The following RPF1 variants were observed in gnomAD, a reference collection of about 807,000 sequenced individuals.
RPF1 encodes the protein ribosome production factor 1.
RPF1 carries 34 observed loss-of-function variants against 41.9 expected under a neutral mutation model. The observed-to-expected ratio is 0.81, with a 90% CI of 0.62 to 1.08. The LOEUF (loss-of-function observed/expected upper bound fraction) is 1.08. Ranked by LOEUF, RPF1 falls within the 50% of genes least tolerant of loss-of-function variation. The pLI, the probability that RPF1 is intolerant of heterozygous loss-of-function variation, is 0.00. For missense variants in RPF1, 425 were observed against 435.2 expected (o/e 0.98, Z 0.21); for synonymous variants, 140 against 148.9 (o/e 0.94, Z 0.43).
chr1:84,495,332 A>C (rs747344676), intron 5 of RPF1, 41 bp from the exon 6 acceptor site: 1 of 899,422 alleles, frequency 1.1e-6, no homozygotes, highest in South Asian at 1.5e-5. Flanking sequence ...TTAGATTTAG[A>C]TTACAGAGTT....
At chr1:84,487,570 T>A (rs1681757824) in intron 3 of RPF1, among the ~76,000 whole-genome samples, 1 of 152,142 alleles carries the variant, frequency 6.6e-6, no homozygotes, top group Admixed American at 6.5e-5. Context: ...ATGGTGTCTT[T>A]TGAGGACCAG....
chr1:84,479,714 G>A (rs927901532), intron 1 of RPF1, among the ~76,000 whole-genome samples: 1 of 152,222 alleles, frequency 6.6e-6, no homozygotes, highest in Non-Finnish European at 1.5e-5. Context: ...GAGCGTCAAG[G>A]TGGAAGATTA....
intron 3 of RPF1, among the ~76,000 whole-genome samples, chr1:84,489,308 T>C (rs12729805): frequency 2.0e-5 from 3 of 152,150 alleles, no homozygotes; most frequent in Non-Finnish European, 4.4e-5. Flanking sequence ...TTTTGTTTGT[T>C]TGTTTTGTTT....
intron 7 of RPF1, 90 bp from the exon 8 acceptor site, chr1:84,496,154 A>G (rs1275045938): frequency 1.4e-6 from 2 of 1,465,568 alleles, no homozygotes; most frequent in Non-Finnish European, 1.9e-6. Context: ...AGCAAGTATC[A>G]TACAAGATAA....
At chr1:84,482,805 G>T in intron 2 of RPF1, 110 bp from the exon 3 acceptor site, 2 of 629,678 alleles carry the variant, frequency 3.2e-6, no homozygotes, top group South Asian at 2.1e-5. Flanking sequence ...GGATTGATAT[G>T]AGGAACAGAT....
At position 84,482,954 on chromosome 1, in the gene RPF1, C is replaced by T. The variant is rs1481722251; in HGVS notation, c.325C>T (p.Arg109Ter). 31 of 1,611,494 alleles carry T rather than the reference C, an allele frequency of 1.9e-5. No homozygotes were observed. Among genetic ancestry groups the T allele is most frequent in the African/African-American group, 2.7e-5 (2 of 74,804 alleles). Residue 109 changes from arginine to a stop codon, truncating the protein, a stop_gained, in exon 3 of 9, where the codon CGA becomes TGA. Transcript: ENST00000370654. LOFTEE classifies it high-confidence loss of function. The stretch of plus-strand genomic sequence containing the variant: ...TGTACCCAAGACCATTGACAACCAG[C>T]GAGTGTATGATGAAACCACAGTAGA... ...KPVPKTIDNQ[R>*]VYDETTVDPN...
At chr1:84,491,990 A>G (rs1164148073) in intron 5 of RPF1, among the ~76,000 whole-genome samples, 1 of 152,156 alleles carries the variant, frequency 6.6e-6, no homozygotes, top group African/African-American at 2.4e-5. Context: ...GCAAAATCCC[A>G]TCTCTACTAA....
intron 3 of RPF1, among the ~76,000 whole-genome samples, chr1:84,486,587 C>CAAAAAAAAAAA (rs896267195): frequency 1.5e-5 from 1 of 64,534 alleles, no homozygotes; most frequent in African/African-American, 5.6e-5. Flanking sequence ...GACTCCGTCT[C>CAAAAAAAAAAA]AAAAAAAAAA....
At chr1:84,479,553 T>A in intron 1 of RPF1, 44 bp downstream of exon 1, 1 of 1,586,858 alleles carries the variant, frequency 6.3e-7, no homozygotes, top group Non-Finnish European at 8.6e-7. Context: ...GCGTTGTTCC[T>A]GACGCTTAGG....
At position 84,480,884 on chromosome 1, in the gene RPF1, G is replaced by A. The variant is rs532187612; in HGVS notation, c.229-72G>A. On this transcript the variant is annotated intron_variant, in intron 1 of 8. Coordinates refer to ENST00000370654, the MANE Select transcript of RPF1 (RefSeq NM_025065.7). ...CGAGTATTCATAGCATTAGTAATTT[G>A]TAGTTTCAGTATGTGTTTGTGATAT... 9 of 794,988 alleles carry A rather than the reference G, an allele frequency of 1.1e-5. No homozygotes were observed. The African/African-American group carries it at 1.2e-4, about 11-fold the overall frequency. 49.2% of individuals were successfully genotyped at this position (794,988 alleles called of 1,614,324 possible).
intron 8 of RPF1, 89 bp downstream of exon 8, chr1:84,496,459 G>A: frequency 8.6e-7 from 1 of 1,161,634 alleles, no homozygotes; most frequent in Non-Finnish European, 1.2e-6. Context: ...AATAGCTAAT[G>A]GATGCTGGGC....
intron 5 of RPF1, 105 bp downstream of exon 5, chr1:84,490,577 A>T (rs576164069): frequency 7.3e-6 from 6 of 826,630 alleles, no homozygotes; most frequent in African/African-American, 5.4e-5. Context: ...TCAGAAAATA[A>T]TTTTTTTATC....
intron 3 of RPF1, among the ~76,000 whole-genome samples, chr1:84,488,522 A>C (rs1054852975): frequency 6.6e-6 from 1 of 152,118 alleles, no homozygotes; most frequent in Non-Finnish European, 1.5e-5. Context: ...TCTGCAAATG[A>C]CAGTTTTCTT....
In RPF1 at chr1:84,496,284, C is replaced by T; in HGVS notation, c.922C>T (p.Leu308Phe). Reference protein sequence around the residue: ...RSEKKVGIQELGPRFTLKLRS... With the variant: ...RSEKKVGIQEFGPRFTLKLRS... ...TGAAAAGAAAGTGGGAATTCAGGAA[C>T]TTGGACCACGTTTTACCTTAAAATT... Residue 308 changes from leucine (L) to phenylalanine (F), a missense_variant, in exon 8 of 9, where the codon CTT becomes TTT. Coordinates refer to ENST00000370654, the MANE Select transcript of RPF1 (RefSeq NM_025065.7). The T allele has an allele frequency of 6.2e-7, 1 of 1,613,432 alleles. No individual in the cohort carries two copies. The highest frequency in any genetic ancestry group is 8.5e-7 in the Non-Finnish European group (1 of 1,179,554).
intron 5 of RPF1, among the ~76,000 whole-genome samples, chr1:84,491,553 A>G (rs539565331): frequency 6.6e-6 from 1 of 152,322 alleles, no homozygotes; most frequent in South Asian, 2.1e-4. Flanking sequence ...CCATATTATA[A>G]TTTGGCTTAA....
At position 84,479,418 on chromosome 1, in the gene RPF1, C is replaced by T. The variant is rs763148261; in HGVS notation, c.137C>T (p.Ala46Val). The change falls in exon 1 of 9, where the codon GCT becomes GTT. Residue 46 changes from alanine (A) to valine (V), a missense_variant. By Grantham distance (64) the Ala-to-Val change is moderately conservative. Transcript: ENST00000370654. ...TENGVQPPKA[A>V]AFPPGFSISE... is the part of the protein sequence containing the mutation. Reference sequence around the variant, plus strand: ...AACGGGGTCCAACCCCCGAAAGCGGCTGCCTTTCCGCCAGGCTTTAGCATT... The same window carrying T: ...AACGGGGTCCAACCCCCGAAAGCGGTTGCCTTTCCGCCAGGCTTTAGCATT... 62 of 1,614,144 alleles carry T rather than the reference C, an allele frequency of 3.8e-5. No individual in the cohort carries two copies. The highest frequency in any genetic ancestry group is 5.3e-5 in the Non-Finnish European group (62 of 1,180,054).
chr1:84,490,329 G>T lies in RPF1; in HGVS notation c.473G>T (p.Arg158Leu). The T allele has an allele frequency of 6.3e-7, 1 of 1,586,434 alleles. No individual in the cohort carries two copies. The highest frequency in any genetic ancestry group is 1.4e-5 in the African/African-American group (1 of 73,020). The change falls in exon 5 of 9, where the codon CGA (arginine) becomes CTA (leucine). Residue 158 changes from arginine (R) to leucine (L), a missense_variant. Transcript: ENST00000370654. ...TSDRPHGRTV[R>L]LCEQLSTVIP... Reference sequence around the variant, plus strand: ...TATTTTGTTTTGCAGAGAACAGTACGACTCTGTGAACAGCTCTCCACAGTT... The same window carrying T: ...TATTTTGTTTTGCAGAGAACAGTACTACTCTGTGAACAGCTCTCCACAGTT...
intron 3 of RPF1, among the ~76,000 whole-genome samples, chr1:84,484,135 G>T (rs1179881160): frequency 9.2e-5 from 14 of 152,142 alleles, no homozygotes; most frequent in Admixed American, 7.9e-4. Flanking sequence ...AGTAGAGAGG[G>T]TTTGCAATTT....
At chr1:84,495,754 T>A (rs1379048265) in intron 6 of RPF1, 128 bp from the exon 7 acceptor site, 3 of 606,768 alleles carry the variant, frequency 4.9e-6, no homozygotes, top group African/African-American at 3.7e-5. Flanking sequence ...AAGCCATCTG[T>A]GGTAGTTTGT....
Sources: gnomAD v4.1 joint callset for allele counts (sites outside exome capture counted in the v4.1 genomes callset) on GRCh38, gnomAD v4.1.1 for gene constraint, MANE v1.5 for transcripts, NCBI Gene and HGNC (gene_info 2026-07-23, HGNC 2026-07-21) for gene names.